Variants in PPEF1 observed in about 807,000 individuals in gnomAD.
PPEF1 encodes the protein serine/threonine-protein phosphatase with EF-hands 1.
PPEF1 carries 12 observed loss-of-function variants against 53.3 expected under a neutral mutation model. The ratio of observed to expected loss-of-function variants is 0.23; its 90% CI spans 0.14 to 0.36. PPEF1 has a LOEUF of 0.36. Among genes scored for constraint, PPEF1 ranks in the 10% least tolerant of loss-of-function variants. The pLI, the probability that PPEF1 is intolerant of heterozygous loss-of-function variation, is 1.00. For missense variants in PPEF1, 334 were observed against 490.4 expected (o/e 0.68, Z 3.01); for synonymous variants, 165 against 176.7 (o/e 0.93, Z 0.52).
chrX:18,704,910 T>C (rs778106869), upstream of PPEF1, among the ~76,000 whole-genome samples: 116 of 111,569 alleles, frequency 1.0e-3, 1 homozygote, highest in African/African-American at 3.5e-3. Context: ...GTGACACTCA[T>C]ATGCAACGAA....
intron 10 of PPEF1, among the ~76,000 whole-genome samples, chrX:18,799,723 G>A (rs532118041): frequency 9.0e-6 from 1 of 111,232 alleles, no homozygotes; most frequent in Non-Finnish European, 1.9e-5. Context: ...TCAGTAAAAC[G>A]TTCCCATTTT....
At chrX:18,720,102 G>A (rs768954281) in intron 1 of PPEF1, among the ~76,000 whole-genome samples, 4 of 111,480 alleles carry the variant, frequency 3.6e-5, no homozygotes, top group Non-Finnish European at 7.5e-5. Flanking sequence ...GAGGAAAAGA[G>A]CAGACAGATC....
chrX:18,685,086 C>T (rs143464205), intron 2 of PPEF1, among the ~76,000 whole-genome samples: 1 of 112,256 alleles, frequency 8.9e-6, no homozygotes. Flanking sequence ...GTTACTCCCT[C>T]GACTCCCACA....
chrX:18,786,003 A>G (rs749129072), intron 9 of PPEF1, among the ~76,000 whole-genome samples: 1 of 112,417 alleles, frequency 8.9e-6, no homozygotes, highest in East Asian at 2.8e-4. Flanking sequence ...AATAGTCATT[A>G]TTAACATAAT....
chrX:18,817,067 C>CAT (rs573170664), intron 12 of PPEF1, among the ~76,000 whole-genome samples: 502 of 49,094 alleles, frequency 0.01, 4 homozygotes, highest in Middle Eastern at 0.038. Flanking sequence ...ATCATTTTGC[C>CAT]ATGTGTGTGT....
At chrX:18,681,905 G>A (rs137997642), upstream of PPEF1, among the ~76,000 whole-genome samples, 31 of 112,226 alleles carry the variant, frequency 2.8e-4, no homozygotes, top group Non-Finnish European at 1.7e-4. Context: ...TTACATAACT[G>A]CAGCCCATCT....
At position 18,699,710 on chromosome X, in the gene PPEF1, A is replaced by G. The variant is rs778535423; in HGVS notation, c.-225-623A>G. On this transcript the variant is annotated intron_variant, in intron 5 of 21. Coordinates refer to the PPEF1 transcript ENST00000361511. ...TGAAGGGAGGTCATTCTCCCTTCAC[A>G]GGTAGGTTCTCCAATAAGGAGCTAC... Among the ~76,000 whole-genome samples, 41 of 111,531 alleles carry G rather than the reference A, an allele frequency of 3.7e-4. 1 individual carries two copies. The highest frequency in any genetic ancestry group is 1.2e-3 in the African/African-American group (36 of 30,702).
chrX:18,792,546 T>C (rs1232323714), intron 10 of PPEF1, among the ~76,000 whole-genome samples: 1 of 111,584 alleles, frequency 9.0e-6, no homozygotes, highest in Non-Finnish European at 1.9e-5. Flanking sequence ...AGTTTGGTAG[T>C]AATATTTCCT....
At chrX:18,690,007 G>A (rs1203278383) in intron 3 of PPEF1, among the ~76,000 whole-genome samples, 3 of 109,715 alleles carry the variant, frequency 2.7e-5, no homozygotes, top group East Asian at 2.9e-4. Flanking sequence ...GGCTTTGCTC[G>A]ACCCCCCACC....
chrX:18,811,615 A>ATAT (rs1491146545), intron 12 of PPEF1, among the ~76,000 whole-genome samples: 3 of 8,249 alleles, frequency 3.6e-4, no homozygotes, highest in East Asian at 3.5e-3. Flanking sequence ...ATATATATAT[A>ATAT]TTTTTTTTTT....
At chrX:18,784,194 A>G (rs2046154284) in intron 9 of PPEF1, 146 bp downstream of exon 9, 1 of 525,931 alleles carries the variant, frequency 1.9e-6, no homozygotes, top group Non-Finnish European at 2.7e-6. Context: ...TAAAAGTATA[A>G]ATTTTAAGAA....
chrX:18,721,094 G>A, intron 1 of PPEF1, among the ~76,000 whole-genome samples: 1 of 111,666 alleles, frequency 9.0e-6, no homozygotes, highest in Non-Finnish European at 1.9e-5. Context: ...TATACTGCGT[G>A]GTGGTGAAGT....
At chrX:18,743,274 A>G (rs1311251085) in intron 3 of PPEF1, among the ~76,000 whole-genome samples, 1 of 111,073 alleles carries the variant, frequency 9.0e-6, no homozygotes, top group African/African-American at 3.3e-5. Context: ...GTAACAAGCT[A>G]TACTCTCACC....
rs188027823 is a variant in PPEF1, at chrX:18,769,384, T to C, written c.558+7808T>C. Among the ~76,000 whole-genome samples the C allele has an allele frequency of 5.2e-3, 583 of 112,461 alleles. 1 individual carries two copies. The highest frequency in any genetic ancestry group is 8.4e-3 in the Non-Finnish European group (449 of 53,313). ...AATTAGAGTGACCAGTTTGAAATACTTCTTTCAGAGCCTCAGCTTTAGTAA... is the reference window on the plus strand; with the variant it reads ...AATTAGAGTGACCAGTTTGAAATACCTCTTTCAGAGCCTCAGCTTTAGTAA... On this transcript the variant is annotated intron_variant, in intron 6 of 15. Coordinates refer to ENST00000470157, the MANE Select transcript of PPEF1 (RefSeq NM_001377996.1).
chrX:18,740,712 C>G (rs754954188), intron 3 of PPEF1, among the ~76,000 whole-genome samples: 3 of 111,499 alleles, frequency 2.7e-5, no homozygotes, highest in Admixed American at 9.6e-5. Context: ...CCCGGCCTCT[C>G]TTCTCTTTGA....
At chrX:18,794,455 C>T (rs1162355760) in intron 10 of PPEF1, among the ~76,000 whole-genome samples, 1 of 113,034 alleles carries the variant, frequency 8.8e-6, no homozygotes, top group East Asian at 2.8e-4. Context: ...ACTGTGCCAT[C>T]GCACTGCAGC....
intron 3 of PPEF1, among the ~76,000 whole-genome samples, chrX:18,746,518 C>CT (rs1194295299): frequency 9.0e-6 from 1 of 110,688 alleles, no homozygotes; most frequent in Non-Finnish European, 1.9e-5. Context: ...CCAAGCTTCT[C>CT]TTTTTTTTAA....
Position 18,801,306 on chromosome X carries a change from C to G in PPEF1, c.1066-2586C>G, listed in dbSNP as rs145753737. On this transcript the variant is annotated intron_variant, in intron 10 of 15. Coordinates refer to ENST00000470157, the MANE Select transcript of PPEF1 (RefSeq NM_001377996.1). ...ACCAGGTACTTATTCCAGGGTAGCTCTCCTGCCAGTTCTGCTCTTTTCACC... is the reference window on the plus strand; with the variant it reads ...ACCAGGTACTTATTCCAGGGTAGCTGTCCTGCCAGTTCTGCTCTTTTCACC... Among the ~76,000 whole-genome samples, 866 of 111,547 alleles carry G rather than the reference C, an allele frequency of 7.8e-3. 7 individuals are homozygous for G. Among genetic ancestry groups the G allele is most frequent in the Middle Eastern group, 0.057 (12 of 211 alleles).
chrX:18,722,261 G>A (rs1162694491), intron 1 of PPEF1, among the ~76,000 whole-genome samples: 5 of 112,320 alleles, frequency 4.5e-5, no homozygotes, highest in African/African-American at 1.6e-4. Flanking sequence ...TCTCCTCTTC[G>A]CTTAAAGCCT....
Sources: allele counts gnomAD v4.1 joint callset (sites outside exome capture counted in the v4.1 genomes callset), GRCh38; gene constraint gnomAD v4.1.1; transcripts MANE v1.5; gene names NCBI Gene and HGNC (gene_info 2026-07-23, HGNC 2026-07-21).